The following LRP1B variants were observed in gnomAD, a reference collection of about 807,000 sequenced individuals.
LRP1B encodes low-density lipoprotein receptor-related protein 1B.
In LRP1B, 217 loss-of-function variants were observed where a neutral mutation model predicts 556.6. The observed-to-expected ratio is 0.39, with a 90% CI of 0.35 to 0.44. The LOEUF is 0.44. Ranked by LOEUF, LRP1B falls within the 20% of genes least tolerant of loss-of-function variation. LRP1B has a pLI of 1.00. For synonymous variants in LRP1B, 2,047 were observed against 1,865.8 expected (o/e 1.10, Z -2.50); for missense variants, 5,053 against 5,620.8 (o/e 0.90, Z 3.23).
chr2:141,020,151 A>AT, intron 11 of LRP1B, 49 bp from the exon 12 acceptor site: 1 of 1,282,070 alleles, frequency 7.8e-7, no homozygotes, highest in Non-Finnish European at 1.0e-6. Context: ...CAACTATAGT[A>AT]AAATTAGTGT....
intron 35 of LRP1B, among the ~76,000 whole-genome samples, chr2:140,753,698 C>T (rs887788958): frequency 6.6e-6 from 1 of 152,264 alleles, no homozygotes; most frequent in South Asian, 2.1e-4. Context: ...CTGCTTCCTC[C>T]ACCACCTCAG....
intron 45 of LRP1B, among the ~76,000 whole-genome samples, chr2:140,539,546 T>C (rs193185006): frequency 1.8e-4 from 27 of 152,174 alleles, no homozygotes; most frequent in East Asian, 7.7e-4. Context: ...GTAGGGACAG[T>C]TGTATTGAAG....
intron 2 of LRP1B, among the ~76,000 whole-genome samples, chr2:141,609,677 C>G (rs1269772251): frequency 6.6e-6 from 1 of 152,172 alleles, no homozygotes; most frequent in Non-Finnish European, 1.5e-5. Context: ...CTCTGGCACT[C>G]TAGTGCTTTT....
intron 1 of LRP1B, among the ~76,000 whole-genome samples, chr2:142,058,523 C>A (rs1445118182): frequency 6.6e-6 from 1 of 152,108 alleles, no homozygotes; most frequent in Non-Finnish European, 1.5e-5. Context: ...AATTCAAAAA[C>A]CTTCTCAAAA....
chr2:140,601,709 C>A, intron 41 of LRP1B, 70 bp from the exon 42 acceptor site: 1 of 1,048,878 alleles, frequency 9.5e-7, no homozygotes, highest in Non-Finnish European at 1.3e-6. Flanking sequence ...ACAGAAAAAG[C>A]ATTTAAGACA....
chr2:140,956,630 G>A (rs1026666681), intron 18 of LRP1B, among the ~76,000 whole-genome samples: 1 of 151,750 alleles, frequency 6.6e-6, no homozygotes, highest in Non-Finnish European at 1.5e-5. Flanking sequence ...TGATCCAATA[G>A]AGTAAATGCA....
At chr2:141,009,107 T>C (rs1004144885) in intron 14 of LRP1B, among the ~76,000 whole-genome samples, 13 of 151,944 alleles carry the variant, frequency 8.6e-5, no homozygotes, top group African/African-American at 3.1e-4. Flanking sequence ...TGTCCTGGAC[T>C]CTTGACTTCT....
chr2:140,681,890 A>G (rs1483179698), intron 41 of LRP1B, among the ~76,000 whole-genome samples: 1 of 152,230 alleles, frequency 6.6e-6, no homozygotes, highest in Non-Finnish European at 1.5e-5. Context: ...CACCAAGTAA[A>G]GTAAACAGTC....
At chr2:141,864,595 G>A (rs1000220402) in intron 1 of LRP1B, among the ~76,000 whole-genome samples, 70 of 151,598 alleles carry the variant, frequency 4.6e-4, no homozygotes, top group African/African-American at 1.6e-3. Context: ...GAAACTGGAG[G>A]AATGCGCCAG....
intron 7 of LRP1B, among the ~76,000 whole-genome samples, chr2:141,083,177 A>C: frequency 6.6e-6 from 1 of 152,218 alleles, no homozygotes; most frequent in South Asian, 2.1e-4. Flanking sequence ...TGAATCTTTC[A>C]TCTATTTAAA....
chr2:141,725,230 C>G (rs746031068), intron 2 of LRP1B, among the ~76,000 whole-genome samples: 5 of 151,880 alleles, frequency 3.3e-5, no homozygotes, highest in Non-Finnish European at 7.4e-5. Flanking sequence ...GATATTCTAT[C>G]TTACCACATT....
At chr2:141,484,667 G>T (rs1178256226) in intron 2 of LRP1B, among the ~76,000 whole-genome samples, 1 of 152,020 alleles carries the variant, frequency 6.6e-6, no homozygotes, top group African/African-American at 2.4e-5. Context: ...TCTCCTTGAA[G>T]AGGTCCTTCA....
chr2:141,196,544 G>T (rs1018773652), intron 6 of LRP1B, among the ~76,000 whole-genome samples: 1 of 152,016 alleles, frequency 6.6e-6, no homozygotes, highest in African/African-American at 2.4e-5. Context: ...TGAGAAAGTA[G>T]TTTAGTATTA....
intron 3 of LRP1B, among the ~76,000 whole-genome samples, chr2:141,275,582 T>C (rs1433416963): frequency 3.3e-5 from 5 of 152,104 alleles, no homozygotes; most frequent in Admixed American, 6.6e-5. Context: ...TGGTGGTGCA[T>C]GTCTGTAGTC....
intron 2 of LRP1B, among the ~76,000 whole-genome samples, chr2:141,710,041 C>T (rs73963540): frequency 0.081 from 12,354 of 152,086 alleles, 570 homozygotes; most frequent in African/African-American, 0.11. Flanking sequence ...AAGGGCTCCA[C>T]TCTCATGACC....
At chr2:140,345,994 T>G in intron 77 of LRP1B, among the ~76,000 whole-genome samples, 1 of 151,010 alleles carries the variant, frequency 6.6e-6, no homozygotes, top group Non-Finnish European at 1.5e-5. Flanking sequence ...TTAGATTATT[T>G]AATTCCTTTA....
At chr2:141,341,413 T>A (rs1464365654) in intron 3 of LRP1B, among the ~76,000 whole-genome samples, 1 of 152,206 alleles carries the variant, frequency 6.6e-6, no homozygotes, top group Non-Finnish European at 1.5e-5. Context: ...CAGTTCCTCC[T>A]CATTAAAGAA....
intron 1 of LRP1B, among the ~76,000 whole-genome samples, chr2:141,833,029 C>T (rs1404310109): frequency 6.6e-6 from 1 of 151,540 alleles, no homozygotes; most frequent in Admixed American, 6.6e-5. Context: ...GCAATTTTCT[C>T]CCTAAGAGGA....
At chr2:140,686,587 G>C (rs1686060605) in intron 41 of LRP1B, among the ~76,000 whole-genome samples, 1 of 151,964 alleles carries the variant, frequency 6.6e-6, no homozygotes, top group African/African-American at 2.4e-5. Context: ...AATAGGAGGG[G>C]TTCCAATTTG....
Sources: allele counts gnomAD v4.1 joint callset (sites outside exome capture counted in the v4.1 genomes callset), GRCh38; gene constraint gnomAD v4.1.1; transcripts MANE v1.5; gene names NCBI Gene and HGNC (gene_info 2026-07-23, HGNC 2026-07-21).